Variants in ASTN2 observed in about 807,000 individuals in gnomAD.
ASTN2 encodes astrotactin-2.
A neutral mutation model predicts 139.8 loss-of-function variants in ASTN2; 54 were observed. The observed-to-expected ratio is 0.39, with a 90% CI of 0.31 to 0.48. The LOEUF (loss-of-function observed/expected upper bound fraction) is 0.48. ASTN2 is among the 20% of genes least tolerant of loss of function. The pLI is 0.95. For synonymous variants in ASTN2, 756 were observed against 719.5 expected (o/e 1.05, Z -0.81); for missense variants, 1,565 against 1,725.1 (o/e 0.91, Z 1.64).
chr9:116,676,844 T>C (rs564071860), intron 16 of ASTN2, among the ~76,000 whole-genome samples: 3 of 152,306 alleles, frequency 2.0e-5, no homozygotes, highest in Non-Finnish European at 2.9e-5. Context: ...CTGAGGTTTT[T>C]CCCCCCATGG....
chr9:116,997,566 G>C (rs1204699964), intron 7 of ASTN2, among the ~76,000 whole-genome samples: 1 of 151,886 alleles, frequency 6.6e-6, no homozygotes, highest in Non-Finnish European at 1.5e-5. Context: ...CTATCAAAGG[G>C]GGAATCCCAG....
At chr9:116,435,504 G>C (rs1341821492) in intron 22 of ASTN2, among the ~76,000 whole-genome samples, 1 of 152,066 alleles carries the variant, frequency 6.6e-6, no homozygotes, top group Non-Finnish European at 1.5e-5. Flanking sequence ...TTGTTTGTTT[G>C]CTTTTCCTTT....
At chr9:116,516,807 T>C (rs1027473494) in intron 19 of ASTN2, among the ~76,000 whole-genome samples, 1 of 152,210 alleles carries the variant, frequency 6.6e-6, no homozygotes. Flanking sequence ...TTTAGGACTG[T>C]GGGCTGCATG....
Position 116,440,590 on chromosome 9 carries a change from C to A in ASTN2, c.3782+19G>T. 5.6e-6 allele frequency: 9 copies of A among 1,610,134 alleles called. No individual in the cohort carries two copies. The highest frequency in any genetic ancestry group is 7.6e-6 in the Non-Finnish European group (9 of 1,178,284). ...GGCAAAAAGAATATGCCCCTCCAAT[C>A]ACACAAATACGCCCATACCTGGGCC... On this transcript the variant is annotated intron_variant, in intron 22 of 22. Transcript: ENST00000313400.
intron 10 of ASTN2, among the ~76,000 whole-genome samples, chr9:116,905,869 G>C (rs569439098): frequency 6.7e-6 from 1 of 149,138 alleles, no homozygotes; most frequent in African/African-American, 2.5e-5. Context: ...TTTTTTTTGG[G>C]GGGGGGTGCG....
At chr9:116,441,305 T>A (rs924602386) in intron 21 of ASTN2, among the ~76,000 whole-genome samples, 4 of 151,894 alleles carry the variant, frequency 2.6e-5, no homozygotes, top group African/African-American at 9.7e-5. Flanking sequence ...CTTCAGTTAG[T>A]CCTACTAATC....
intron 2 of ASTN2, among the ~76,000 whole-genome samples, chr9:117,219,217 G>T (rs965484566): frequency 2.0e-5 from 3 of 152,152 alleles, no homozygotes; most frequent in Admixed American, 6.5e-5. Context: ...TTCTGTCCTG[G>T]TCCACACCCA....
chr9:116,540,747 T>C (rs1002411727), intron 19 of ASTN2: 1 of 152,238 alleles, frequency 6.6e-6, no homozygotes, highest in Admixed American at 6.5e-5. Context: ...CAGGTGAATT[T>C]AGTGGATTTT....
intron 3 of ASTN2, among the ~76,000 whole-genome samples, chr9:117,165,894 G>C (rs1388687299): frequency 6.6e-6 from 1 of 152,004 alleles, no homozygotes; most frequent in Non-Finnish European, 1.5e-5. Context: ...CAAAGTAAGT[G>C]TCTAGTAAAA....
chr9:116,900,543 G>C (rs556820035), intron 10 of ASTN2, among the ~76,000 whole-genome samples: 9 of 152,150 alleles, frequency 5.9e-5, no homozygotes, highest in Non-Finnish European at 8.8e-5. Context: ...GAAATGAAAA[G>C]TTTAAAAGTT....
chr9:116,747,125 T>G (rs984371074), intron 13 of ASTN2, among the ~76,000 whole-genome samples: 6 of 152,334 alleles, frequency 3.9e-5, no homozygotes, highest in East Asian at 3.9e-4. Context: ...TAATATCTAT[T>G]CATCGTTTAC....
At chr9:117,174,749 G>A (rs753580358) in intron 3 of ASTN2, among the ~76,000 whole-genome samples, 8 of 151,862 alleles carry the variant, frequency 5.3e-5, no homozygotes, top group African/African-American at 9.7e-5. Context: ...ATCCAATCAC[G>A]GCTTGAAAAA....
intron 19 of ASTN2, among the ~76,000 whole-genome samples, chr9:116,549,492 G>C (rs1044866170): frequency 6.6e-6 from 1 of 152,194 alleles, no homozygotes; most frequent in Non-Finnish European, 1.5e-5. Context: ...CCCAGGGCTG[G>C]AGCCTGCGTG....
At chr9:117,323,786 T>A (rs1427873442) in intron 1 of ASTN2, among the ~76,000 whole-genome samples, 3 of 152,138 alleles carry the variant, frequency 2.0e-5, no homozygotes, top group Admixed American at 6.6e-5. Context: ...ATATATATAT[T>A]TTTTATTTTA....
intron 19 of ASTN2, among the ~76,000 whole-genome samples, chr9:116,530,096 T>C (rs10983219): frequency 0.13 from 987 of 7,658 alleles, 111 homozygotes; most frequent in South Asian, 0.51. Flanking sequence ...TAAAGTGTGA[T>C]ATATATATAT....
In ASTN2 at chr9:116,423,218, T is replaced by C. The variant is rs1507904; in HGVS notation, c.*2633A>G. 2.6e-5 allele frequency among the ~76,000 whole-genome samples: 4 copies of C among 152,176 alleles called. No individual in the cohort carries two copies. The highest frequency in any genetic ancestry group is 5.9e-5 in the Non-Finnish European group (4 of 67,992). ...CACAGTATTATGCATATTGTCTCCA[T>C]CAGGAGAAAAAATAAAAAATAAAAT... is the stretch of plus-strand genomic sequence containing the variant. On this transcript the variant is annotated 3_prime_UTR_variant, in exon 23 of 23. Coordinates refer to ENST00000313400, the MANE Select transcript of ASTN2 (RefSeq NM_001365068.1).
Position 117,214,345 on chromosome 9 carries a change from A to G in ASTN2, c.1015+13T>C. On this transcript the variant is annotated intron_variant, in intron 3 of 22. Transcript: ENST00000313400. ...TGCCCCCTGGAAAATGGGCTGTGAC[A>G]TGGAGGACTCACCTTTCTTCTCAAA... 1.3e-6 allele frequency: 2 copies of G among 1,565,838 alleles called. No individual in the cohort carries two copies. Among genetic ancestry groups the G allele is most frequent in the Non-Finnish European group, 8.7e-7 (1 of 1,145,456 alleles).
chr9:117,169,173 CT>C (rs1272244874), intron 3 of ASTN2, among the ~76,000 whole-genome samples: 12 of 150,732 alleles, frequency 8.0e-5, no homozygotes, highest in African/African-American at 2.4e-4. Flanking sequence ...CTAAATCTCT[CT>C]TGCCTGAGGG....
chr9:116,945,650 T>G (rs1367306884), intron 10 of ASTN2, among the ~76,000 whole-genome samples: 1 of 152,002 alleles, frequency 6.6e-6, no homozygotes, highest in Non-Finnish European at 1.5e-5. Context: ...TCCTTCCACT[T>G]TCCTTCTATT....
Sources: gnomAD v4.1 joint callset for allele counts (sites outside exome capture counted in the v4.1 genomes callset) on GRCh38, gnomAD v4.1.1 for gene constraint, MANE v1.5 for transcripts, NCBI Gene and HGNC (gene_info 2026-07-23, HGNC 2026-07-21) for gene names.